Variants in MALT1 observed in about 807,000 individuals in gnomAD.
MALT1 encodes the protein MALT1 paracaspase.
In MALT1, 36 loss-of-function variants were observed where a neutral mutation model predicts 85.5. The observed-to-expected ratio is 0.42, with a 90% CI of 0.32 to 0.56. The LOEUF (loss-of-function observed/expected upper bound fraction) is 0.56, where lower values mean the gene tolerates loss of function less well. Among genes scored for constraint, MALT1 ranks in the 20% least tolerant of loss-of-function variants. MALT1 has a pLI of 0.10. For missense variants in MALT1, 716 were observed against 981.6 expected (o/e 0.73, Z 3.62); for synonymous variants, 359 against 361.3 (o/e 0.99, Z 0.07).
chr18:58,740,619 G>A (rs763516702), intron 13 of MALT1, among the ~76,000 whole-genome samples: 5 of 151,604 alleles, frequency 3.3e-5, no homozygotes, highest in South Asian at 2.1e-4. Flanking sequence ...CTTTGTGATC[G>A]AATAATAGTC....
chr18:58,726,343 G>GGT, intron 10 of MALT1, among the ~76,000 whole-genome samples: 1 of 152,310 alleles, frequency 6.6e-6, no homozygotes, highest in African/African-American at 2.4e-5. Flanking sequence ...TGTAAGTGTG[G>GGT]TAGAGGCTTG....
intron 10 of MALT1, among the ~76,000 whole-genome samples, chr18:58,729,909 C>T (rs1238756480): frequency 6.6e-6 from 1 of 152,196 alleles, no homozygotes; most frequent in Non-Finnish European, 1.5e-5. Context: ...AGTGCTGCTA[C>T]AGCATTTCAA....
At chr18:58,716,910 A>T (rs910395969) in intron 9 of MALT1, among the ~76,000 whole-genome samples, 17 of 152,220 alleles carry the variant, frequency 1.1e-4, no homozygotes, top group African/African-American at 4.1e-4. Context: ...GGCCAAGGTG[A>T]AAACAAGAGA....
chr18:58,700,240 A>G (rs1040589705), intron 3 of MALT1, among the ~76,000 whole-genome samples: 6 of 152,232 alleles, frequency 3.9e-5, no homozygotes, highest in African/African-American at 1.2e-4. Flanking sequence ...TGGTTTATGG[A>G]TTTGTAAAAG....
chr18:58,746,482 A>G (rs1446035746), intron 16 of MALT1, among the ~76,000 whole-genome samples: 2 of 152,188 alleles, frequency 1.3e-5, no homozygotes, highest in Non-Finnish European at 2.9e-5. Context: ...AAAGCTTTTA[A>G]TTTGTTCACA....
Position 58,747,812 on chromosome 18 carries a change from C to T in MALT1, c.2445C>T (p.Phe815=). The change falls in exon 17 of 17, where the codon TTC becomes TTT. Residue 815 remains phenylalanine, a synonymous_variant. Transcript: ENST00000649217. Reference sequence around the variant, plus strand: ...CAACTGATGAAATACCATTTAGTTTCTCTGACAGGCTCAGAATTTCTGAAA... The same window carrying T: ...CAACTGATGAAATACCATTTAGTTTTTCTGACAGGCTCAGAATTTCTGAAA... The part of the protein sequence containing the change: ...VETTDEIPFS[F]SDRLRISEK 6.2e-7 allele frequency: 1 copy of T among 1,613,128 alleles called. No individual in the cohort carries two copies. The highest frequency in any genetic ancestry group is 8.5e-7 in the Non-Finnish European group (1 of 1,179,330).
At chr18:58,683,694 T>C (rs1172426478) in intron 2 of MALT1, among the ~76,000 whole-genome samples, 1 of 152,148 alleles carries the variant, frequency 6.6e-6, no homozygotes, top group Non-Finnish European at 1.5e-5. Context: ...CTTTGAAAAA[T>C]CCATTTTTGC....
intron 3 of MALT1, 83 bp from the exon 4 acceptor site, chr18:58,700,358 C>A: frequency 9.0e-7 from 1 of 1,114,224 alleles, no homozygotes; most frequent in South Asian, 2.0e-5. Context: ...AAGCTTCATA[C>A]TGAAATCATA....
chr18:58,746,373 A>G (rs1330386884), intron 16 of MALT1, among the ~76,000 whole-genome samples: 1 of 152,180 alleles, frequency 6.6e-6, no homozygotes, highest in African/African-American at 2.4e-5. Context: ...TCCTAGTTCT[A>G]TGACTAGACA....
intron 2 of MALT1, among the ~76,000 whole-genome samples, chr18:58,689,798 G>C (rs2054468447): frequency 6.6e-6 from 1 of 152,240 alleles, no homozygotes; most frequent in Admixed American, 6.5e-5. Context: ...GTGGAAGCCA[G>C]TGGGGTGGCG....
Position 58,752,598 on chromosome 18 carries a change from G to A in MALT1, c.*4756G>A, listed in dbSNP as rs904498462. 1.4e-5 allele frequency: 2 copies of A among 144,804 alleles called. No homozygotes were observed. Among genetic ancestry groups the A allele is most frequent in the Non-Finnish European group, 3.0e-5 (2 of 66,914 alleles). The allele number at this position is 144,804 out of a possible 1,614,324, so 9.0% of individuals were successfully genotyped here. Reference sequence around the variant, plus strand: ...GTTTGAGACTAGCCTTGGCAACATGGTGAAACCCCATCTCTACCAAAAAAA... The same window carrying A: ...GTTTGAGACTAGCCTTGGCAACATGATGAAACCCCATCTCTACCAAAAAAA... On this transcript the variant is annotated 3_prime_UTR_variant, in exon 17 of 17. Transcript: ENST00000649217.
At chr18:58,678,641 C>G (rs1302323150) in intron 1 of MALT1, among the ~76,000 whole-genome samples, 1 of 152,060 alleles carries the variant, frequency 6.6e-6, no homozygotes, top group East Asian at 1.9e-4. Context: ...GCTTAAGGCC[C>G]AAATCCAGGC....
At position 58,704,293 on chromosome 18, in the gene MALT1, C is replaced by T. The variant is rs1304498347; in HGVS notation, c.649+3702C>T. The stretch of plus-strand genomic sequence containing the variant: ...TACCATTTTGCATTACCACCAACAG[C>T]GTATAAGATTTCAGGTTACTCGCCC... On this transcript the variant is annotated intron_variant, in intron 4 of 16. Coordinates refer to ENST00000649217, the MANE Select transcript of MALT1 (RefSeq NM_006785.4). 3.9e-5 allele frequency among the ~76,000 whole-genome samples: 6 copies of T among 152,270 alleles called. No individual in the cohort carries two copies. The East Asian group carries it at 9.7e-4, about 24-fold the overall frequency.
At chr18:58,731,375 A>G (rs530758814) in intron 10 of MALT1, among the ~76,000 whole-genome samples, 2 of 152,256 alleles carry the variant, frequency 1.3e-5, no homozygotes, top group East Asian at 1.9e-4. Flanking sequence ...ACTTTACCTG[A>G]TCTTCGTGGT....
intron 13 of MALT1, 55 bp downstream of exon 13, chr18:58,735,384 C>T: frequency 6.5e-7 from 1 of 1,540,764 alleles, no homozygotes. Context: ...AGGGGAGACA[C>T]ACCTATTCAG....
At chr18:58,712,532 C>T (rs2054844698) in intron 7 of MALT1, among the ~76,000 whole-genome samples, 1 of 152,074 alleles carries the variant, frequency 6.6e-6, no homozygotes, top group Non-Finnish European at 1.5e-5. Flanking sequence ...TAGATTGAGA[C>T]TGGCAAGAGG....
At chr18:58,720,249 A>C (rs1319826320) in intron 9 of MALT1, among the ~76,000 whole-genome samples, 1 of 152,192 alleles carries the variant, frequency 6.6e-6, no homozygotes, top group East Asian at 1.9e-4. Context: ...AAATTGCTTT[A>C]TATTTGCCGT....
At chr18:58,700,006 C>T (rs1475575345) in intron 3 of MALT1, among the ~76,000 whole-genome samples, 3 of 152,216 alleles carry the variant, frequency 2.0e-5, no homozygotes, top group Non-Finnish European at 4.4e-5. Flanking sequence ...AACTTGCCCA[C>T]GTCTTCCCAG....
intron 13 of MALT1, among the ~76,000 whole-genome samples, chr18:58,739,386 G>A (rs2055270783): frequency 6.6e-6 from 1 of 152,204 alleles, no homozygotes; most frequent in African/African-American, 2.4e-5. Context: ...TTATCTGATA[G>A]AATGTAGCGT....
Sources: allele counts gnomAD v4.1 joint callset (sites outside exome capture counted in the v4.1 genomes callset), GRCh38; gene constraint gnomAD v4.1.1; transcripts MANE v1.5; gene names NCBI Gene and HGNC (gene_info 2026-07-23, HGNC 2026-07-21).